Variants in FBXO4 observed in about 807,000 individuals in gnomAD.
The protein encoded by FBXO4 is F-box protein 4, also known as F-box only protein 4.
A neutral mutation model predicts 43.7 loss-of-function variants in FBXO4; 36 were observed. The observed-to-expected ratio is 0.82, with a 90% CI of 0.63 to 1.09. FBXO4 has a LOEUF of 1.09. Among genes scored for constraint, FBXO4 ranks in the 50% least tolerant of loss-of-function variants. The probability of loss-of-function intolerance (pLI) is 0.00; values close to 1 mark genes in which losing one functional copy is unlikely to be tolerated. For missense variants in FBXO4, 435 were observed against 474.1 expected (o/e 0.92, Z 0.77); for synonymous variants, 180 against 165.6 (o/e 1.09, Z -0.67).
the FBXO4 span, among the ~76,000 whole-genome samples, chr5:41,994,995 G>A: frequency 6.6e-6 from 1 of 152,216 alleles, no homozygotes; most frequent in East Asian, 1.9e-4. Context: ...AGCATACATG[G>A]CCTCCTGGAG....
At chr5:42,013,296 A>C in the FBXO4 span, among the ~76,000 whole-genome samples, 1 of 152,176 alleles carries the variant, frequency 6.6e-6, no homozygotes, top group Non-Finnish European at 1.5e-5. Flanking sequence ...AAAGATTGTT[A>C]GGAAAGAAAG....
At chr5:42,040,144 T>C in the FBXO4 span, among the ~76,000 whole-genome samples, 7 of 152,208 alleles carry the variant, frequency 4.6e-5, no homozygotes, top group South Asian at 1.5e-3. Context: ...AGAAAACTAA[T>C]ACACCTCCCT....
rs1751442289 is a variant in FBXO4 at position 41,925,334 on chromosome 5, G to GGAACAAACTCGCCGCCGCCGCC, written c.26_47dup (p.Phe17AsnfsTer45). ...CATGGCGGGAAGCGAGCCGCGCAGC[G>GGAACAAACTCGCCGCCGCCGCC]GAACAAACTCGCCGCCGCCGCCCTT... On this transcript the variant is annotated frameshift_variant, in exon 1 of 7. Coordinates refer to ENST00000281623, the MANE Select transcript of FBXO4 (RefSeq NM_012176.3). LOFTEE classifies it high-confidence loss of function. 1.5e-6 allele frequency: 2 copies of GGAACAAACTCGCCGCCGCCGCC among 1,358,316 alleles called. No homozygotes were observed. Among genetic ancestry groups the GGAACAAACTCGCCGCCGCCGCC allele is most frequent in the Non-Finnish European group, 1.9e-6 (2 of 1,050,854 alleles). 84.1% of individuals were successfully genotyped at this position (1,358,316 alleles called of 1,614,324 possible). A position where few individuals can be genotyped will look rare whatever the true frequency, so the allele number is the denominator to read the frequency against.
Position 41,925,304 on chromosome 5 carries a change from C to G in FBXO4, c.-6C>G. On this transcript the variant is annotated 5_prime_UTR_variant, in exon 1 of 7. Transcript: ENST00000281623. Reference sequence around the variant, plus strand: ...TAAGACGCGTCACCCACGCTGCGGGCAAGCCATGGCGGGAAGCGAGCCGCG... The same window carrying G: ...TAAGACGCGTCACCCACGCTGCGGGGAAGCCATGGCGGGAAGCGAGCCGCG... 1.5e-6 allele frequency: 2 copies of G among 1,331,652 alleles called. No homozygotes were observed. Among genetic ancestry groups the G allele is most frequent in the Middle Eastern group, 2.3e-4 (1 of 4,358 alleles). The allele number at this position is 1,331,652 out of a possible 1,614,324, so 82.5% of individuals were successfully genotyped here.
the FBXO4 span, among the ~76,000 whole-genome samples, chr5:42,035,832 T>G: frequency 6.6e-6 from 1 of 152,156 alleles, no homozygotes; most frequent in Non-Finnish European, 1.5e-5. Flanking sequence ...AGAGAAGTAC[T>G]GAATGGTTAA....
At chr5:42,012,324 A>ATGTG in the FBXO4 span, among the ~76,000 whole-genome samples, 4 of 150,954 alleles carry the variant, frequency 2.6e-5, no homozygotes, top group Non-Finnish European at 5.9e-5. Context: ...AGATGTGAGC[A>ATGTG]TGTGTGTGTG....
At chr5:42,013,630 C>G in the FBXO4 span, among the ~76,000 whole-genome samples, 1 of 152,208 alleles carries the variant, frequency 6.6e-6, no homozygotes, top group East Asian at 1.9e-4. Context: ...CCAATCCAAT[C>G]ATCCAATCCG....
chr5:41,944,318 A>G (rs7719957), downstream of FBXO4, among the ~76,000 whole-genome samples: 747 of 152,306 alleles, frequency 4.9e-3, 7 homozygotes, highest in African/African-American at 0.017. Context: ...AATTCTCCAT[A>G]TTGTCAAAAT....
the FBXO4 span, among the ~76,000 whole-genome samples, chr5:41,974,437 GTT>G: frequency 6.6e-6 from 1 of 151,932 alleles, no homozygotes; most frequent in African/African-American, 2.4e-5. Flanking sequence ...TTTTTTGGAT[GTT>G]TTTTTCCCAG....
the FBXO4 span, among the ~76,000 whole-genome samples, chr5:42,002,253 C>A: frequency 5.2e-4 from 79 of 152,240 alleles, no homozygotes; most frequent in Non-Finnish European, 9.7e-4. Flanking sequence ...ATCATAGTAC[C>A]TCTTTCCCAG....
the FBXO4 span, among the ~76,000 whole-genome samples, chr5:42,039,658 T>G: frequency 6.6e-6 from 1 of 152,118 alleles, no homozygotes; most frequent in African/African-American, 2.4e-5. Context: ...GGCACACCTG[T>G]GACTTGCATC....
chr5:41,987,981 T>C, the FBXO4 span, among the ~76,000 whole-genome samples: 1 of 152,230 alleles, frequency 6.6e-6, no homozygotes, highest in East Asian at 1.9e-4. Flanking sequence ...TGATTCTGGC[T>C]TTGATGCTTA....
At chr5:42,019,397 T>C in the FBXO4 span, among the ~76,000 whole-genome samples, 3 of 152,186 alleles carry the variant, frequency 2.0e-5, no homozygotes, top group Admixed American at 1.3e-4. Context: ...TACTAGAAAA[T>C]GTAAAATTAG....
the FBXO4 span, among the ~76,000 whole-genome samples, chr5:42,009,422 G>T: frequency 2.3e-4 from 35 of 150,534 alleles, no homozygotes; most frequent in African/African-American, 8.6e-4. Context: ...TGTTGCAGAG[G>T]GGACTTCAAT....
Position 41,925,546 on chromosome 5 carries a change from C to G in FBXO4, c.189+48C>G. 2.4e-6 allele frequency: 3 copies of G among 1,269,984 alleles called. No homozygotes were observed. The Admixed American group carries it at 1.3e-4, about 53-fold the overall frequency. The allele number at this position is 1,269,984 out of a possible 1,614,324, so 78.7% of individuals were successfully genotyped here. ...GGAGGACAGTGGGGCCGGCCCGGGC[C>G]GGAGGGACCTCCCCTGGAGCCCCCC... On this transcript the variant is annotated intron_variant, in intron 1 of 6. Transcript: ENST00000281623.
the FBXO4 span, among the ~76,000 whole-genome samples, chr5:41,972,963 A>G: frequency 2.0e-5 from 3 of 152,322 alleles, no homozygotes; most frequent in South Asian, 6.2e-4. Flanking sequence ...AAAACTATAA[A>G]AACCCCAAGA....
At chr5:41,947,987 A>T in the FBXO4 span, among the ~76,000 whole-genome samples, 1 of 152,204 alleles carries the variant, frequency 6.6e-6, no homozygotes, top group African/African-American at 2.4e-5. Flanking sequence ...CTACAGCAAT[A>T]AAAAAGTTCT....
At chr5:42,005,816 T>A in the FBXO4 span, among the ~76,000 whole-genome samples, 4 of 152,122 alleles carry the variant, frequency 2.6e-5, no homozygotes, top group Admixed American at 2.6e-4. Context: ...GGTCAAGTTC[T>A]ATTTGTTTTT....
the FBXO4 span, among the ~76,000 whole-genome samples, chr5:41,964,215 T>G: frequency 1.3e-5 from 2 of 152,214 alleles, no homozygotes; most frequent in Non-Finnish European, 2.9e-5. Flanking sequence ...ATTTCAGATT[T>G]TAGTCTTTCT....
Sources: allele counts gnomAD v4.1 joint callset (sites outside exome capture counted in the v4.1 genomes callset), GRCh38; gene constraint gnomAD v4.1.1; transcripts MANE v1.5; gene names NCBI Gene and HGNC (gene_info 2026-07-23, HGNC 2026-07-21).